Variants in CRYBB1 observed in about 807,000 individuals in gnomAD.
CRYBB1 encodes crystallin beta B1.
Under a neutral mutation model 29.5 loss-of-function variants are expected in CRYBB1, and 16 were observed. The observed-to-expected ratio is 0.54, with a 90% CI of 0.37 to 0.82. The LOEUF (loss-of-function observed/expected upper bound fraction) is 0.82. Among genes scored for constraint, CRYBB1 ranks in the 40% least tolerant of loss-of-function variants. The pLI is 0.00. For missense variants in CRYBB1, 300 were observed against 350.5 expected (o/e 0.86, Z 1.15); for synonymous variants, 127 against 136.7 (o/e 0.93, Z 0.49).
At chr22:26,616,375 C>T in intron 1 of CRYBB1, 37 bp from the exon 2 acceptor site, 1 of 1,428,548 alleles carries the variant, frequency 7.0e-7, no homozygotes, top group Non-Finnish European at 9.8e-7. Flanking sequence ...ATGACACCCC[C>T]AAACTGCCTC....
At chr22:26,605,286 G>A (rs529507008) in intron 4 of CRYBB1, among the ~76,000 whole-genome samples, 1 of 152,278 alleles carries the variant, frequency 6.6e-6, no homozygotes, top group African/African-American at 2.4e-5. Context: ...TTTGATAGCT[G>A]CCTCCCTGGG....
rs77431464 is a variant in CRYBB1, at chr22:26,616,246, C to T, written c.74G>A (p.Gly25Glu). 3.0e-4 allele frequency: 480 copies of T among 1,614,114 alleles called. 2 individuals are homozygous for T. In the African/African-American group the frequency reaches 5.7e-3, roughly 19 times the overall value. Residue 25 changes from glycine to glutamate, a missense_variant, in exon 2 of 6, where the codon GGG becomes GAG. Coordinates refer to ENST00000647684, the MANE Select transcript of CRYBB1 (RefSeq NM_001887.4). ...VNPGPDTKGK[G>E]APPAGTSPSP... The stretch of plus-strand genomic sequence containing the variant: ...AGGGGATGTTCCTGCAGGTGGGGCC[C>T]CCTTCCCCTTGGTGTCAGGCCCTGG...
In CRYBB1 at chr22:26,605,671, C is replaced by CAAA. The variant is rs771110435; in HGVS notation, c.432+2215_432+2217dup. ...CTGGGCAACAGAGTTAGATGTGTCT[C>CAAA]AAAAAAAAAAAAAAAAAAAAAGGAA... On this transcript the variant is annotated intron_variant, in intron 4 of 5. Coordinates refer to ENST00000647684, the MANE Select transcript of CRYBB1 (RefSeq NM_001887.4). Among the ~76,000 whole-genome samples the CAAA allele has an allele frequency of 1.8e-4, 10 of 54,136 alleles. 1 individual carries two copies. The highest frequency in any genetic ancestry group is 0.027 in the Middle Eastern group (2 of 74). 35.5% of individuals were successfully genotyped at this position (54,136 alleles called of 152,430 possible).
At chr22:26,608,181 CACTT>C (rs778767553) in intron 3 of CRYBB1, among the ~76,000 whole-genome samples, 160 bp from the exon 4 acceptor site, 4 of 152,226 alleles carry the variant, frequency 2.6e-5, no homozygotes, top group Non-Finnish European at 5.9e-5. Flanking sequence ...TAGGCTCTGA[CACTT>C]ACAGGCTGTG....
At chr22:26,600,173 G>A (rs1233233970) in intron 5 of CRYBB1, among the ~76,000 whole-genome samples, 3 of 152,216 alleles carry the variant, frequency 2.0e-5, no homozygotes, top group East Asian at 1.9e-4. Flanking sequence ...AGGCTGAGGC[G>A]GGCAAATCAC....
chr22:26,613,450 C>T (rs776014731), intron 2 of CRYBB1, among the ~76,000 whole-genome samples: 4 of 152,156 alleles, frequency 2.6e-5, no homozygotes, highest in Admixed American at 6.5e-5. Flanking sequence ...GGCAGAAGAA[C>T]GTGGATTGTG....
At chr22:26,601,753 TG>T in intron 5 of CRYBB1, 125 bp downstream of exon 5, 1 of 1,500,760 alleles carries the variant, frequency 6.7e-7, no homozygotes. Flanking sequence ...GAACCAGCAC[TG>T]GGAGACTGTG....
chr22:26,601,395 A>G (rs910589784), intron 5 of CRYBB1, among the ~76,000 whole-genome samples: 1 of 152,094 alleles, frequency 6.6e-6, no homozygotes, highest in Non-Finnish European at 1.5e-5. Flanking sequence ...AGCTGGCAAG[A>G]CTGAGAGGCA....
intron 5 of CRYBB1, among the ~76,000 whole-genome samples, chr22:26,600,226 C>A (rs189438155): frequency 6.6e-6 from 1 of 152,094 alleles, no homozygotes; most frequent in Admixed American, 6.5e-5. Context: ...GCAGTGAAAC[C>A]CCGTCTCTAC....
At position 26,607,958 on chromosome 22, in the gene CRYBB1, G is replaced by A; in HGVS notation, c.363C>T (p.Tyr121=). The A allele has an allele frequency of 6.2e-7, 1 of 1,614,230 alleles. No homozygotes were observed. Among genetic ancestry groups the A allele is most frequent in the Non-Finnish European group, 8.5e-7 (1 of 1,180,042 alleles). The change falls in exon 4 of 6, where the codon TAC becomes TAT. Residue 121 remains tyrosine, a synonymous_variant. Coordinates refer to ENST00000647684, the MANE Select transcript of CRYBB1 (RefSeq NM_001887.4). The part of the protein sequence containing the change: ...GEMFILEKGE[Y]PRWNTWSSSY... Reference sequence around the variant, plus strand: ...TGCTCGACCATGTGTTCCAGCGAGGGTACTCGCCCTTCTCCAGGATGAACA... The same window carrying A: ...TGCTCGACCATGTGTTCCAGCGAGGATACTCGCCCTTCTCCAGGATGAACA...
intron 4 of CRYBB1, among the ~76,000 whole-genome samples, chr22:26,603,168 C>T (rs1007373853): frequency 1.3e-5 from 2 of 150,778 alleles, no homozygotes; most frequent in African/African-American, 4.9e-5. Flanking sequence ...CTGCCTCTGA[C>T]ATTTATGCAC....
intron 2 of CRYBB1, among the ~76,000 whole-genome samples, chr22:26,614,654 A>C (rs930603471): frequency 1.3e-4 from 20 of 152,188 alleles, no homozygotes; most frequent in African/African-American, 4.3e-4. Flanking sequence ...AAAAGTACAA[A>C]GAAAAGCCCA....
chr22:26,617,003 T>C (rs964694545), intron 1 of CRYBB1, among the ~76,000 whole-genome samples: 1 of 152,252 alleles, frequency 6.6e-6, no homozygotes, highest in Non-Finnish European at 1.5e-5. Context: ...AGATGCCCAA[T>C]TAACATTTGT....
chr22:26,608,807 A>C (rs1929065713), intron 3 of CRYBB1, among the ~76,000 whole-genome samples: 1 of 152,174 alleles, frequency 6.6e-6, no homozygotes, highest in African/African-American at 2.4e-5. Flanking sequence ...AACTAGTATG[A>C]GGCAATGGGA....
intron 4 of CRYBB1, among the ~76,000 whole-genome samples, chr22:26,607,641 G>A (rs1369143249): frequency 6.6e-6 from 1 of 151,530 alleles, no homozygotes; most frequent in Admixed American, 6.6e-5. Flanking sequence ...AGATGCTGAA[G>A]TTTTTAGCTC....
At chr22:26,610,003 A>G (rs568388352) in intron 3 of CRYBB1, among the ~76,000 whole-genome samples, 1 of 152,344 alleles carries the variant, frequency 6.6e-6, no homozygotes, top group Admixed American at 6.5e-5. Context: ...AGGAAACTGG[A>G]GGTCTAGGCT....
intron 3 of CRYBB1, among the ~76,000 whole-genome samples, chr22:26,610,962 C>T (rs528718767): frequency 6.6e-6 from 1 of 152,274 alleles, no homozygotes; most frequent in Non-Finnish European, 1.5e-5. Context: ...GAGACAAGAG[C>T]AAACGAGCTG....
At chr22:26,603,125 C>CAAAAA (rs779127242) in intron 4 of CRYBB1, among the ~76,000 whole-genome samples, 24 of 69,222 alleles carry the variant, frequency 3.5e-4, no homozygotes, top group Non-Finnish European at 5.9e-4. Context: ...GACTCCGTCT[C>CAAAAA]AAAAAAAAAA....
At position 26,612,115 on chromosome 22, in the gene CRYBB1, G is replaced by T. The variant is rs777514223; in HGVS notation, c.256C>A (p.Arg86Ser). Reference protein sequence around the residue: ...FSGECSNLADRGFDRVRSIIV... With the variant: ...FSGECSNLADSGFDRVRSIIV... Reference sequence around the variant, plus strand: ...ATGCTGCGCACACGGTCGAAGCCACGGTCTGCCAGATTTGAGCACTCCCCC... The same window carrying T: ...ATGCTGCGCACACGGTCGAAGCCACTGTCTGCCAGATTTGAGCACTCCCCC... Residue 86 changes from arginine (R) to serine (S), a missense_variant, in exon 3 of 6, where the codon CGT (arginine) becomes AGT (serine). By Grantham distance (110) the Arg-to-Ser change is moderately radical. Coordinates refer to ENST00000647684, the MANE Select transcript of CRYBB1 (RefSeq NM_001887.4). 6.2e-7 allele frequency: 1 copy of T among 1,613,804 alleles called. No homozygotes were observed. Among genetic ancestry groups the T allele is most frequent in the Non-Finnish European group, 8.5e-7 (1 of 1,179,974 alleles).
Sources: allele counts gnomAD v4.1 joint callset (sites outside exome capture counted in the v4.1 genomes callset), GRCh38; gene constraint gnomAD v4.1.1; transcripts MANE v1.5; gene names NCBI Gene and HGNC (gene_info 2026-07-23, HGNC 2026-07-21).